SERPINB9: variants seen among roughly 807,000 people sequenced by gnomAD.
SERPINB9 encodes the protein serpin B9.
In SERPINB9, 20 loss-of-function variants were observed where a neutral mutation model predicts 27.2. That is an observed-to-expected ratio of 0.74 (90% CI 0.52 to 1.07). SERPINB9 has a LOEUF of 1.07. Ranked by LOEUF, SERPINB9 falls within the 50% of genes least tolerant of loss-of-function variation. The pLI is 0.00. For missense variants in SERPINB9, 476 were observed against 460.1 expected, an observed-to-expected ratio of 1.03 and a Z score of -0.32; for synonymous variants, 189 against 180.0, an observed-to-expected ratio of 1.05 and a Z score of -0.40.
intron 4 of SERPINB9, 79 bp from the exon 5 acceptor site, chr6:2,893,632 G>A: frequency 2.3e-6 from 3 of 1,294,718 alleles, no homozygotes; most frequent in Non-Finnish European, 3.2e-6. Context: ...ATCATTAGTT[G>A]AGAAGCAAAC....
chr6:2,887,645 A>G lies in SERPINB9; in HGVS notation c.*2518T>C. 1 of 152,266 alleles carries G rather than the reference A, an allele frequency of 6.6e-6. No homozygotes were observed. The highest frequency in any genetic ancestry group is 1.5e-5 in the Non-Finnish European group (1 of 68,044). 9.4% of individuals were successfully genotyped at this position (152,266 alleles called of 1,614,324 possible). A position where few individuals can be genotyped will look rare whatever the true frequency, so the allele number is the denominator to read the frequency against. Reference sequence around the variant, plus strand: ...GCGGATCGCTTGAGGCCAGGAGTTCAAGACCAACACGGCCAATGTGGCGAA... The same window carrying G: ...GCGGATCGCTTGAGGCCAGGAGTTCGAGACCAACACGGCCAATGTGGCGAA... On this transcript the variant is annotated 3_prime_UTR_variant, in exon 7 of 7. Coordinates refer to ENST00000380698, the MANE Select transcript of SERPINB9 (RefSeq NM_004155.6).
rs547420191 is a variant in SERPINB9, at chr6:2,889,674, G to C, written c.*489C>G. ...CGAGCCACTGCACTCCAGCCTGGGCGACAGAGAGCCAGACTGCGTCTCAGA... is the reference window on the plus strand; with the variant it reads ...CGAGCCACTGCACTCCAGCCTGGGCCACAGAGAGCCAGACTGCGTCTCAGA... On this transcript the variant is annotated 3_prime_UTR_variant, in exon 7 of 7. Transcript: ENST00000380698. The C allele has an allele frequency of 6.8e-6, 1 of 146,476 alleles. No individual in the cohort carries two copies. Among genetic ancestry groups the C allele is most frequent in the African/African-American group, 2.5e-5 (1 of 39,366 alleles). 9.1% of individuals were successfully genotyped at this position (146,476 alleles called of 1,614,324 possible).
In SERPINB9 at chr6:2,891,851, G is replaced by A. The variant is rs777706787; in HGVS notation, c.705C>T (p.Asp235=). 3.1e-6 allele frequency: 5 copies of A among 1,607,134 alleles called. No homozygotes were observed. Among genetic ancestry groups the A allele is most frequent in the East Asian group, 4.5e-5 (2 of 44,826 alleles). ...GTCTTACCGTGCTGAGCTCCACGCC[G>A]TCGTCAGGCAGCAGCACCAGCAGGC... The part of the protein sequence containing the change: ...ELSLLVLLPD[D]GVELSTVEKS... The change falls in exon 6 of 7, where the codon GAC becomes GAT. Residue 235 remains aspartate (D), a synonymous_variant. Transcript: ENST00000380698. This position sits in a 1 kb window ranked among gnomAD's most constrained non-coding sequence, Gnocchi z 4.0.
At position 2,887,394 on chromosome 6, in the gene SERPINB9, A is replaced by G. The variant is rs192880460; in HGVS notation, c.*2769T>C. 6.6e-6 allele frequency: 1 copy of G among 152,378 alleles called. No homozygotes were observed. The highest frequency in any genetic ancestry group is 1.9e-4 in the East Asian group (1 of 5,196). 9.4% of individuals were successfully genotyped at this position (152,378 alleles called of 1,614,324 possible). ...TCTTTAATAGGCAAAGACATATGTA[A>G]AAACGAAGCAGAAAAGTAGGTGTAT... On this transcript the variant is annotated 3_prime_UTR_variant, in exon 7 of 7. Coordinates refer to ENST00000380698, the MANE Select transcript of SERPINB9 (RefSeq NM_004155.6).
intron 2 of SERPINB9, among the ~76,000 whole-genome samples, chr6:2,899,079 C>T (rs977460752): frequency 6.6e-6 from 1 of 152,114 alleles, no homozygotes; most frequent in Non-Finnish European, 1.5e-5. Context: ...TCCAGTTGAA[C>T]ACTGGAGCCA....
Position 2,890,089 on chromosome 6 carries a change from T to A in SERPINB9, c.*74A>T, listed in dbSNP as rs778652392. 10 of 1,476,984 alleles carry A rather than the reference T, an allele frequency of 6.8e-6. No homozygotes were observed. Among genetic ancestry groups the A allele is most frequent in the East Asian group, 2.3e-5 (1 of 43,804 alleles). 91.5% of individuals were successfully genotyped at this position (1,476,984 alleles called of 1,614,324 possible). ...CTTTGCACTTGGCTTTCTAGGCCCA[T>A]CCTCTTGGAGCTGTAGTGGGGATCT... On this transcript the variant is annotated 3_prime_UTR_variant, in exon 7 of 7. Transcript: ENST00000380698. The surrounding 1 kb of genome is among the most constrained non-coding windows in gnomAD (Gnocchi z 6.2).
rs1210288353 is a variant in SERPINB9, at chr6:2,896,190, C to T, written c.169G>A (p.Ala57Thr). 6.2e-7 allele frequency: 1 copy of T among 1,611,900 alleles called. No individual in the cohort carries two copies. The highest frequency in any genetic ancestry group is 2.2e-5 in the East Asian group (1 of 44,830). ...TCTTCCTCTGTGTTTAAAGACAGTG[C>T]CTGTTGTGAAAGATAATTTTAAAAG... is the stretch of plus-strand genomic sequence containing the variant. ...KGNTATQMAQ[A>T]LSLNTEEDIH... is the part of the protein sequence containing the mutation. Residue 57 changes from alanine to threonine, a missense_variant and splice_region_variant, in exon 3 of 7, where the codon GCA (alanine) becomes ACA (threonine). Coordinates refer to ENST00000380698, the MANE Select transcript of SERPINB9 (RefSeq NM_004155.6).
At chr6:2,895,871 G>C (rs1194563461) in intron 3 of SERPINB9, among the ~76,000 whole-genome samples, 182 bp downstream of exon 3, 1 of 151,934 alleles carries the variant, frequency 6.6e-6, no homozygotes, top group East Asian at 1.9e-4. Context: ...AGGATCACTT[G>C]AGACCAGGAG....
At position 2,890,132 on chromosome 6, in the gene SERPINB9, G is replaced by A; in HGVS notation, c.*31C>T. On this transcript the variant is annotated 3_prime_UTR_variant, in exon 7 of 7. Coordinates refer to ENST00000380698, the MANE Select transcript of SERPINB9 (RefSeq NM_004155.6). The surrounding 1 kb of genome is among the most constrained non-coding windows in gnomAD (Gnocchi z 6.2). ...GGGGATCTGGGGACACAGGAAGAGG[G>A]AAATGGCCGAGTGCACGGTAAGTGC... The A allele has an allele frequency of 6.3e-7, 1 of 1,590,290 alleles. No individual in the cohort carries two copies. The highest frequency in any genetic ancestry group is 1.7e-5 in the Admixed American group (1 of 57,342).
Position 2,893,571 on chromosome 6 carries a change from G to C in SERPINB9, c.425-18C>G. The C allele has an allele frequency of 1.2e-6, 2 of 1,607,568 alleles. No homozygotes were observed. Among genetic ancestry groups the C allele is most frequent in the Non-Finnish European group, 1.7e-6 (2 of 1,176,298 alleles). ...AATTTTACCTTTCAAGAAAAGTAGA[G>C]ACTACATTCAGTTGCTTTTTATAAG... is the stretch of plus-strand genomic sequence containing the variant. On this transcript the variant is annotated intron_variant, in intron 4 of 6. Coordinates refer to ENST00000380698, the MANE Select transcript of SERPINB9 (RefSeq NM_004155.6).
chr6:2,900,885 T>TCTCTCTCTCACA (rs61100591), intron 1 of SERPINB9, among the ~76,000 whole-genome samples: 7 of 141,480 alleles, frequency 4.9e-5, no homozygotes, highest in African/African-American at 2.0e-4. Context: ...GCTCGCTCTC[T>TCTCTCTCTCACA]CACACACACA....
intron 4 of SERPINB9, among the ~76,000 whole-genome samples, chr6:2,893,926 A>G (rs74635912): frequency 5.8e-4 from 88 of 152,240 alleles, no homozygotes; most frequent in Admixed American, 2.7e-3. Flanking sequence ...CAGTTCTAAC[A>G]TTCTGTGACT....
Position 2,888,579 on chromosome 6 carries a change from C to G in SERPINB9, c.*1584G>C, listed in dbSNP as rs1767671301. 6.6e-6 allele frequency: 1 copy of G among 152,120 alleles called. No individual in the cohort carries two copies. The highest frequency in any genetic ancestry group is 6.5e-5 in the Admixed American group (1 of 15,280). 9.4% of individuals were successfully genotyped at this position (152,120 alleles called of 1,614,324 possible). ...TGTACTAAGTGAAAGAAGCCAGACA[C>G]AAAAGGTCTCATACAATTCAATTTA... On this transcript the variant is annotated 3_prime_UTR_variant, in exon 7 of 7. Coordinates refer to ENST00000380698, the MANE Select transcript of SERPINB9 (RefSeq NM_004155.6).
At chr6:2,897,135 A>C (rs1050543211) in intron 2 of SERPINB9, among the ~76,000 whole-genome samples, 17 of 151,362 alleles carry the variant, frequency 1.1e-4, no homozygotes, top group Middle Eastern at 3.4e-3. Context: ...AAAAAAAAAA[A>C]AAAACACAAA....
At chr6:2,902,787 G>T (rs146485841) in intron 1 of SERPINB9, among the ~76,000 whole-genome samples, 2,408 of 152,208 alleles carry the variant, frequency 0.016, 73 homozygotes, top group East Asian at 0.12. Flanking sequence ...CAAAGTGCTG[G>T]GATTACAGGC....
chr6:2,898,226 C>G (rs893340077), intron 2 of SERPINB9, among the ~76,000 whole-genome samples: 4 of 151,344 alleles, frequency 2.6e-5, no homozygotes, highest in Non-Finnish European at 5.9e-5. Context: ...AATATTCAAG[C>G]AATTTCTATT....
At chr6:2,898,264 CAT>C (rs773790695) in intron 2 of SERPINB9, among the ~76,000 whole-genome samples, 40 of 151,790 alleles carry the variant, frequency 2.6e-4, no homozygotes, top group Non-Finnish European at 4.6e-4. Flanking sequence ...TGTTCTATAA[CAT>C]AGAAAAAAGA....
chr6:2,902,185 G>A (rs1474710185), intron 1 of SERPINB9, among the ~76,000 whole-genome samples: 2 of 152,172 alleles, frequency 1.3e-5, no homozygotes, highest in Non-Finnish European at 2.9e-5. Flanking sequence ...CCCCTTAGAA[G>A]GCCCCATGTC....
rs1767936201 is a variant in SERPINB9, at chr6:2,894,819, AC to A, written c.424+571del. Among the ~76,000 whole-genome samples the A allele has an allele frequency of 6.6e-6, 1 of 152,042 alleles. No homozygotes were observed. The highest frequency in any genetic ancestry group is 2.4e-5 in the African/African-American group (1 of 41,362). ...GAGTTCAGTGGCATGATCTCAGCTC[AC>A]TACAACTTCTGCCTCCCAGGTTCAA... On this transcript the variant is annotated intron_variant, in intron 4 of 6. Transcript: ENST00000380698. This position sits in a 1 kb window ranked among gnomAD's most constrained non-coding sequence, Gnocchi z 4.7.
Sources: allele counts gnomAD v4.1 joint callset (sites outside exome capture counted in the v4.1 genomes callset), GRCh38; gene constraint gnomAD v4.1.1; non-coding constraint Gnocchi (gnomAD v3.1); transcripts MANE v1.5; gene names NCBI Gene and HGNC (gene_info 2026-07-23, HGNC 2026-07-21).